NOXO1: variants seen among roughly 807,000 people sequenced by gnomAD.
NOXO1 encodes NADPH oxidase organizer 1.
Under a neutral mutation model 33.3 loss-of-function variants are expected in NOXO1, and 38 were observed. That is an observed-to-expected ratio of 1.14 (90% CI 0.88 to 1.50). NOXO1 has a LOEUF of 1.50. Among genes scored for constraint, NOXO1 ranks in the 40% most tolerant of loss-of-function variants. The pLI, the probability that NOXO1 is intolerant of heterozygous loss-of-function variation, is 0.00. For synonymous variants in NOXO1, 302 were observed against 237.3 expected (o/e 1.27, Z -2.51); for missense variants, 675 against 527.1 (o/e 1.28, Z -2.75).
At chr16:1,979,937 C>G in intron 5 of NOXO1, 34 bp from the exon 6 acceptor site, 1 of 1,576,274 alleles carries the variant, frequency 6.3e-7, no homozygotes. Context: ...ACTCAAATCT[C>G]GAGGCTCCCT....
At chr16:1,979,951 G>A (rs368706710) in intron 5 of NOXO1, 46 bp downstream of exon 5, 218 of 1,580,126 alleles carry the variant, frequency 1.4e-4, no homozygotes, top group Non-Finnish European at 1.8e-4. Flanking sequence ...GCTCCCTCGG[G>A]TCCAGGAGCA....
rs1319149144 is a variant in NOXO1 at position 1,980,315 on chromosome 16, C to T, written c.401+52G>A. The stretch of plus-strand genomic sequence containing the variant: ...GGCTGTTCCCCCCCACCCTGGACCT[C>T]TCCCAGCTCCAAACGCCGCTGCATG... On this transcript the variant is annotated intron_variant, in intron 4 of 7. Transcript: ENST00000356120. 3.8e-6 allele frequency: 6 copies of T among 1,567,628 alleles called. No homozygotes were observed. In the East Asian group the frequency reaches 1.1e-4, roughly 29 times the overall value.
chr16:1,980,781 T>C (rs911910291), intron 2 of NOXO1, 50 bp from the exon 3 acceptor site: 1 of 1,541,708 alleles, frequency 6.5e-7, no homozygotes, highest in Non-Finnish European at 8.8e-7. Context: ...CTGTGCACCC[T>C]TGAGAGGGCG....
At chr16:1,979,965 G>C (rs770417062) in intron 5 of NOXO1, 32 bp downstream of exon 5, 34 of 1,587,192 alleles carry the variant, frequency 2.1e-5, no homozygotes, top group Non-Finnish European at 2.9e-5. Flanking sequence ...AGGAGCAGAG[G>C]AGCAAATCCC....
Position 1,980,469 on chromosome 16 carries a change from C to G in NOXO1, c.299G>C (p.Arg100Pro), listed in dbSNP as rs369555569. The change falls in exon 4 of 8, where the codon CGG becomes CCG. Residue 100 changes from arginine to proline, a missense_variant. Arg to Pro is a moderately radical substitution (Grantham distance 103). Transcript: ENST00000356120. ...ARLQLLETYS[R>P]RLLATAERVA... Reference sequence around the variant, plus strand: ...GCGCTCTGCAGTCGCCAGCAGCCTCCGAGAATAGGTTTCCAACAGCTGCAG... The same window carrying G: ...GCGCTCTGCAGTCGCCAGCAGCCTCGGAGAATAGGTTTCCAACAGCTGCAG... The G allele has an allele frequency of 3.1e-6, 5 of 1,602,090 alleles. No homozygotes were observed. The African/African-American group carries it at 6.7e-5, about 21-fold the overall frequency.
rs773491771 is a variant in NOXO1 at position 1,979,346 on chromosome 16, G to T, written c.822C>A (p.Tyr274Ter). ...CGGGGAGTAGGCCCGCCCGGTCGCC[G>T]TACCTGCGAGGGGCGGGGTGTGGTT... ...TSDRGWWLCR[Y>*]GDRAGLLPAV... Residue 274 changes from tyrosine (Y) to a stop codon, truncating the protein, a stop_gained, in exon 8 of 8, where the codon TAC becomes TAA. Transcript: ENST00000356120. LOFTEE classifies it low-confidence loss of function (END_TRUNC). 5 of 1,578,800 alleles carry T rather than the reference G, an allele frequency of 3.2e-6. No homozygotes were observed. The highest frequency in any genetic ancestry group is 2.6e-6 in the Non-Finnish European group (3 of 1,169,628).
Position 1,980,391 on chromosome 16 carries a change from A to C in NOXO1, c.377T>G (p.Leu126Arg), listed in dbSNP as rs2083479025. 5 of 1,602,428 alleles carry C rather than the reference A, an allele frequency of 3.1e-6. No homozygotes were observed. In the East Asian group the frequency reaches 1.1e-4, roughly 36 times the overall value. ...CCTGCCGGGTGGCAGCGCGGGCTCCAGGTCCAGGGGTTGCGGTGCGAAGAA... is the reference window on the plus strand; with the variant it reads ...CCTGCCGGGTGGCAGCGCGGGCTCCCGGTCCAGGGGTTGCGGTGCGAAGAA... ...TGFFAPQPLD[L>R]EPALPPGSRV... is the part of the protein sequence containing the mutation. The change falls in exon 4 of 8, where the codon CTG becomes CGG. Residue 126 changes from leucine (L) to arginine (R), a missense_variant. By Grantham distance (102) the Leu-to-Arg change is moderately radical (BLOSUM62 -2). Coordinates refer to ENST00000356120, the MANE Select transcript of NOXO1 (RefSeq NM_172167.3).
In NOXO1 at chr16:1,979,186, T is replaced by G; in HGVS notation, c.982A>C (p.Thr328Pro). 7.0e-7 allele frequency: 1 copy of G among 1,434,750 alleles called. No homozygotes were observed. 88.9% of individuals were successfully genotyped at this position (1,434,750 alleles called of 1,614,324 possible). The change falls in exon 8 of 8, where the codon ACC (threonine) becomes CCC (proline). Residue 328 changes from threonine to proline, a missense_variant. Coordinates refer to ENST00000356120, the MANE Select transcript of NOXO1 (RefSeq NM_172167.3). Reference protein sequence around the residue: ...QATAPPPTVPTRPSPGAIQSR... With the variant: ...QATAPPPTVPPRPSPGAIQSR... ...TGGATGGCGCCCGGCGAAGGTCGGG[T>G]GGGCACGGTGGGGGGAGGGGCGGTG...
At position 1,979,436 on chromosome 16, in the gene NOXO1, C is replaced by G. The variant is rs755718602; in HGVS notation, c.807G>C (p.Trp269Cys). The G allele has an allele frequency of 1.9e-6, 3 of 1,609,714 alleles. No individual in the cohort carries two copies. The highest frequency in any genetic ancestry group is 1.3e-5 in the African/African-American group (1 of 74,900). ...VRVLETSDRG[W>C]WLCRYGDRAG... is the part of the protein sequence containing the mutation. ...CCGCTCCCGCGTACCTGCATAGCCA[C>G]CAGCCGCGGTCTGACGTTTCCAACA... The change falls in exon 7 of 8, where the codon TGG (tryptophan) becomes TGC (cysteine). Residue 269 changes from tryptophan (W) to cysteine (C), a missense_variant. Trp to Cys is a radical substitution (Grantham distance 215, BLOSUM62 -2). Coordinates refer to ENST00000356120, the MANE Select transcript of NOXO1 (RefSeq NM_172167.3).
rs1480152642 is a variant in NOXO1 at position 1,980,981 on chromosome 16, G to T, written c.105C>A (p.Asp35Glu). The change falls in exon 2 of 8, where the codon GAC (aspartate) becomes GAA (glutamate). Residue 35 changes from aspartate to glutamate, a missense_variant. Physicochemically the swap from Asp to Glu is conservative, Grantham distance 45. Coordinates refer to ENST00000356120, the MANE Select transcript of NOXO1 (RefSeq NM_172167.3). The stretch of plus-strand genomic sequence containing the variant: ...CGTCCCAACTCCTGCGCACGAAGGT[G>T]TCGCTGCCGTCTGACCAGCGCACAG... ...AFSVRWSDGS[D>E]TFVRRSWDEF... 6 of 1,613,136 alleles carry T rather than the reference G, an allele frequency of 3.7e-6. No individual in the cohort carries two copies. The highest frequency in any genetic ancestry group is 1.1e-5 in the South Asian group (1 of 91,096).
chr16:1,980,406 G>T lies in NOXO1; in HGVS notation c.362C>A (p.Pro121Gln), dbSNP rs770987957. The change falls in exon 4 of 8, where the codon CCG (proline) becomes CAG (glutamine). Residue 121 changes from proline to glutamine, a missense_variant. Coordinates refer to ENST00000356120, the MANE Select transcript of NOXO1 (RefSeq NM_172167.3). ...RSPTITGFFA[P>Q]QPLDLEPALP... is the part of the protein sequence containing the mutation. ...CGCGGGCTCCAGGTCCAGGGGTTGC[G>T]GTGCGAAGAAGCCAGTGATCGTCGG... is the stretch of plus-strand genomic sequence containing the variant. 6.2e-7 allele frequency: 1 copy of T among 1,602,972 alleles called. No individual in the cohort carries two copies.
chr16:1,979,303 C>A lies in NOXO1; in HGVS notation c.865G>T (p.Glu289Ter). ...CCGCTCAGGAGAGCGCCCAGCCCTT[C>A]CGGCCGCAGCAGCACCGCGGGGAGT... ...GLLPAVLLRP[E>*]GLGALLSGTG... Residue 289 changes from glutamate (E) to a stop codon, truncating the protein, a stop_gained, in exon 8 of 8, where the codon GAA becomes TAA. Coordinates refer to ENST00000356120, the MANE Select transcript of NOXO1 (RefSeq NM_172167.3). LOFTEE classifies it low-confidence loss of function (END_TRUNC). 6.4e-7 allele frequency: 1 copy of A among 1,567,264 alleles called. No individual in the cohort carries two copies. Among genetic ancestry groups the A allele is most frequent in the Non-Finnish European group, 8.6e-7 (1 of 1,164,272 alleles).
chr16:1,980,495 G>C lies in NOXO1; in HGVS notation c.273C>G (p.Arg91=), dbSNP rs2083481933. The C allele has an allele frequency of 1.9e-6, 3 of 1,602,914 alleles. No homozygotes were observed. The highest frequency in any genetic ancestry group is 2.5e-6 in the Non-Finnish European group (3 of 1,179,604). The change falls in exon 4 of 8, where the codon CGC becomes CGG. Residue 91 remains arginine, a synonymous_variant. Coordinates refer to ENST00000356120, the MANE Select transcript of NOXO1 (RefSeq NM_172167.3). ...RVGRTSRGLA[R]LQLLETYSRR... is the part of the protein sequence containing the mutation. ...GAGAATAGGTTTCCAACAGCTGCAG[G>C]CGCGCCAGGCCGCGGCTCGTGCGCC...
In NOXO1 at chr16:1,979,305, G is replaced by T; in HGVS notation, c.863C>A (p.Pro288Gln). 6.4e-7 allele frequency: 1 copy of T among 1,568,462 alleles called. No homozygotes were observed. Among genetic ancestry groups the T allele is most frequent in the East Asian group, 2.3e-5 (1 of 42,622 alleles). The change falls in exon 8 of 8, where the codon CCG becomes CAG. Residue 288 changes from proline to glutamine, a missense_variant. By Grantham distance (76) the Pro-to-Gln change is moderately conservative. Transcript: ENST00000356120. The part of the protein sequence containing the change: ...AGLLPAVLLR[P>Q]EGLGALLSGT... ...GCTCAGGAGAGCGCCCAGCCCTTCC[G>T]GCCGCAGCAGCACCGCGGGGAGTAG...
At position 1,980,745 on chromosome 16, in the gene NOXO1, C is replaced by G. The variant is rs772079808; in HGVS notation, c.148-14G>C. Reference sequence around the variant, plus strand: ...CTTGAGGGTCTTCTGAGGGCGGGAACCAGGGCATTGGTCTTCCAGAGCCCA... The same window carrying G: ...CTTGAGGGTCTTCTGAGGGCGGGAAGCAGGGCATTGGTCTTCCAGAGCCCA... On this transcript the variant is annotated splice_polypyrimidine_tract_variant and intron_variant, in intron 2 of 7. Transcript: ENST00000356120. 2 of 1,587,464 alleles carry G rather than the reference C, an allele frequency of 1.3e-6. No homozygotes were observed. The highest frequency in any genetic ancestry group is 3.6e-5 in the Admixed American group (2 of 56,304).
intron 2 of NOXO1, 50 bp from the exon 3 acceptor site, chr16:1,980,781 T>G: frequency 1.3e-6 from 2 of 1,541,708 alleles, no homozygotes; most frequent in African/African-American, 2.7e-5. Context: ...CTGTGCACCC[T>G]TGAGAGGGCG....
intron 6 of NOXO1, 31 bp from the exon 7 acceptor site, chr16:1,979,573 G>A: frequency 1.3e-6 from 2 of 1,564,972 alleles, no homozygotes; most frequent in Non-Finnish European, 8.8e-7. Flanking sequence ...GAGTCACCGC[G>A]GGGCCACAGA....
In NOXO1 at chr16:1,980,402, T is replaced by A. The variant is rs1431519995; in HGVS notation, c.366A>T (p.Gln122His). Residue 122 changes from glutamine to histidine, a missense_variant, in exon 4 of 8, where the codon CAA becomes CAT. Transcript: ENST00000356120. The part of the protein sequence containing the change: ...SPTITGFFAP[Q>H]PLDLEPALPP... ...GCAGCGCGGGCTCCAGGTCCAGGGGTTGCGGTGCGAAGAAGCCAGTGATCG... is the reference window on the plus strand; with the variant it reads ...GCAGCGCGGGCTCCAGGTCCAGGGGATGCGGTGCGAAGAAGCCAGTGATCG... 6.2e-7 allele frequency: 1 copy of A among 1,602,512 alleles called. No homozygotes were observed. Among genetic ancestry groups the A allele is most frequent in the South Asian group, 1.1e-5 (1 of 91,024 alleles).
Position 1,981,236 on chromosome 16 carries a change from C to A in NOXO1, c.-57G>T. 1 of 1,609,188 alleles carries A rather than the reference C, an allele frequency of 6.2e-7. No homozygotes were observed. ...ATGGGCGAGGACCCTTCTGCCTCCC[C>A]GTGCTTGAGAGGGCTCTGGGGGACC... On this transcript the variant is annotated 5_prime_UTR_variant, in exon 1 of 8. Transcript: ENST00000356120.
Sources: gnomAD v4.1 joint callset for allele counts on GRCh38, gnomAD v4.1.1 for gene constraint, MANE v1.5 for transcripts, NCBI Gene and HGNC (gene_info 2026-07-23, HGNC 2026-07-21) for gene names.